Variants in FBXO42 observed in about 807,000 individuals in gnomAD.
The protein encoded by FBXO42 is F-box protein 42, also known as F-box only protein 42.
FBXO42 carries 12 observed loss-of-function variants against 71.7 expected under a neutral mutation model. The ratio of observed to expected loss-of-function variants is 0.17; its 90% confidence interval spans 0.11 to 0.27. The LOEUF is 0.27. FBXO42 is among the 10% of genes least tolerant of loss of function. The pLI, the probability that FBXO42 is intolerant of heterozygous loss-of-function variation, is 1.00. For synonymous variants in FBXO42, 325 were observed against 327.5 expected, an observed-to-expected ratio of 0.99 and a Z score of 0.08; for missense variants, 707 against 911.9, an observed-to-expected ratio of 0.78 and a Z score of 2.89.
intron 4 of FBXO42, among the ~76,000 whole-genome samples, chr1:16,283,334 A>C (rs947965340): frequency 6.6e-6 from 1 of 152,196 alleles, no homozygotes; most frequent in Admixed American, 6.5e-5. Context: ...TGTGACTGAA[A>C]GGGAGGAAAC....
At chr1:16,282,980 CAAA>C (rs57691487) in intron 4 of FBXO42, among the ~76,000 whole-genome samples, 1 of 98,368 alleles carries the variant, frequency 1.0e-5, no homozygotes. Context: ...GACTCCGTCT[CAAA>C]AAAAAAAAAA....
intron 1 of FBXO42, among the ~76,000 whole-genome samples, chr1:16,321,339 AGGT>A (rs2082408073): frequency 6.6e-6 from 1 of 152,196 alleles, no homozygotes; most frequent in Non-Finnish European, 1.5e-5. Flanking sequence ...TTCCATGATT[AGGT>A]AATAAAATCA....
At chr1:16,342,889 T>C (rs1260060806) in intron 1 of FBXO42, among the ~76,000 whole-genome samples, 2 of 152,064 alleles carry the variant, frequency 1.3e-5, no homozygotes, top group Admixed American at 6.6e-5. Context: ...TAGGTTGTTA[T>C]AAATCAGGCC....
chr1:16,323,381 G>C (rs1450406712), intron 1 of FBXO42, among the ~76,000 whole-genome samples: 2 of 152,184 alleles, frequency 1.3e-5, no homozygotes, highest in African/African-American at 2.4e-5. Flanking sequence ...TCGTGCCACT[G>C]TACTCCAGCC....
chr1:16,316,140 G>A (rs1367187813), intron 1 of FBXO42, among the ~76,000 whole-genome samples: 1 of 136,114 alleles, frequency 7.3e-6, no homozygotes, highest in Non-Finnish European at 1.5e-5. Flanking sequence ...CTGCACTCCA[G>A]CCTGGGCAAC....
intron 1 of FBXO42, among the ~76,000 whole-genome samples, chr1:16,345,122 AC>A (rs1203025790): frequency 7.9e-5 from 12 of 151,974 alleles, no homozygotes; most frequent in East Asian, 7.8e-4. Flanking sequence ...CAACAAAAAA[AC>A]ATATATATAT....
chr1:16,336,444 C>T (rs574629092), intron 1 of FBXO42, among the ~76,000 whole-genome samples: 1 of 151,746 alleles, frequency 6.6e-6, no homozygotes, highest in African/African-American at 2.4e-5. Context: ...TTGCAACCTC[C>T]ACCTCCTGGG....
chr1:16,263,205 G>T (rs948299586), intron 4 of FBXO42, among the ~76,000 whole-genome samples: 1 of 151,880 alleles, frequency 6.6e-6, no homozygotes, highest in Admixed American at 6.6e-5. Flanking sequence ...GCTCATCCCT[G>T]TAATCCCAGC....
intron 1 of FBXO42, among the ~76,000 whole-genome samples, chr1:16,323,332 C>T (rs1477620822): frequency 6.6e-6 from 1 of 151,698 alleles, no homozygotes; most frequent in African/African-American, 2.4e-5. Context: ...GCCAGAGAAT[C>T]GCTTGAACCT....
intron 2 of FBXO42, among the ~76,000 whole-genome samples, chr1:16,313,171 A>AAAAC (rs1303248086): frequency 7.3e-6 from 1 of 137,340 alleles, no homozygotes; most frequent in African/African-American, 2.5e-5. Flanking sequence ...ACTAAAATTA[A>AAAAC]AAACAAACAA....
intron 1 of FBXO42, among the ~76,000 whole-genome samples, chr1:16,335,686 TG>T (rs2082546254): frequency 6.6e-6 from 1 of 151,634 alleles, no homozygotes; most frequent in Non-Finnish European, 1.5e-5. Context: ...GCCAGCATGG[TG>T]AAACACCATC....
rs113415784 is a variant in FBXO42 at position 16,343,270 on chromosome 1, G to A, written c.-18+8985C>T. Among the ~76,000 whole-genome samples the A allele has an allele frequency of 6.2e-3, 939 of 152,294 alleles. 10 individuals carry two copies. The highest frequency in any genetic ancestry group is 0.021 in the African/African-American group (888 of 41,580). On this transcript the variant is annotated intron_variant, in intron 1 of 9. Transcript: ENST00000375592. ...GATTTAGAAGAACTGCAGGCTAGGCGCAGTGGCTCACGCCTGCAATGCCAA... is the reference window on the plus strand; with the variant it reads ...GATTTAGAAGAACTGCAGGCTAGGCACAGTGGCTCACGCCTGCAATGCCAA...
chr1:16,259,666 T>C (rs193161278), intron 4 of FBXO42, among the ~76,000 whole-genome samples: 163 of 150,812 alleles, frequency 1.1e-3, no homozygotes, highest in African/African-American at 3.9e-3. Flanking sequence ...CTCAGGAGGC[T>C]GAGGCACAAG....
intron 3 of FBXO42, among the ~76,000 whole-genome samples, chr1:16,295,243 A>G (rs1277778698): frequency 6.6e-6 from 1 of 152,222 alleles, no homozygotes; most frequent in Non-Finnish European, 1.5e-5. Flanking sequence ...TACATAATTG[A>G]TCTAAATCTG....
intron 1 of FBXO42, among the ~76,000 whole-genome samples, chr1:16,324,946 T>C (rs2082438471): frequency 1.3e-5 from 2 of 151,946 alleles, no homozygotes; most frequent in South Asian, 2.1e-4. Flanking sequence ...ACTTACAGAA[T>C]TACCTTTAGA....
rs2081593879 is a variant in FBXO42 at position 16,251,700 on chromosome 1, A to C, written c.1124T>G (p.Ile375Ser). Residue 375 changes from isoleucine to serine, a missense_variant, in exon 10 of 10, where the codon ATC becomes AGC. Transcript: ENST00000375592. This position sits in a 1 kb window ranked among gnomAD's most constrained non-coding sequence, Gnocchi z 4.5. ...AACGAGAGCTGGAGGAGTGGCACTG[A>C]TAGGTGATGGGCGAGAGTTCAAACT... The part of the protein sequence containing the change: ...SPSLNSRPSP[I>S]SATPPALVPE... 2 of 1,614,180 alleles carry C rather than the reference A, an allele frequency of 1.2e-6. No individual in the cohort carries two copies. The highest frequency in any genetic ancestry group is 4.5e-5 in the East Asian group (2 of 44,876).
intron 2 of FBXO42, among the ~76,000 whole-genome samples, chr1:16,308,108 A>C (rs1169647864): frequency 6.6e-6 from 1 of 152,202 alleles, no homozygotes; most frequent in Non-Finnish European, 1.5e-5. Context: ...AATGGAACAG[A>C]ATAGAGAGCC....
chr1:16,306,151 A>G (rs2082248741), intron 2 of FBXO42, among the ~76,000 whole-genome samples: 1 of 151,844 alleles, frequency 6.6e-6, no homozygotes, highest in Non-Finnish European at 1.5e-5. Flanking sequence ...CCTCCCGAGT[A>G]GCTGGGATTA....
intron 1 of FBXO42, among the ~76,000 whole-genome samples, chr1:16,324,513 C>T (rs1311929298): frequency 2.0e-5 from 3 of 152,276 alleles, no homozygotes; most frequent in Admixed American, 6.5e-5. Context: ...AGCATTTCAG[C>T]TGAGCTCTAA....
Sources: gnomAD v4.1 joint callset for allele counts (sites outside exome capture counted in the v4.1 genomes callset) on GRCh38, gnomAD v4.1.1 for gene constraint, Gnocchi (gnomAD v3.1) non-coding constraint, MANE v1.5 for transcripts, NCBI Gene and HGNC (gene_info 2026-07-23, HGNC 2026-07-21) for gene names.